The following NOS1 variants were observed in gnomAD, a reference collection of about 807,000 sequenced individuals.
NOS1 encodes the protein NOS type I.
NOS1 carries 51 observed loss-of-function variants against 164.5 expected under a neutral mutation model. The ratio of observed to expected loss-of-function variants is 0.31; its 90% CI spans 0.25 to 0.39. NOS1 has a LOEUF of 0.39. Among genes scored for constraint, NOS1 ranks in the 10% least tolerant of loss-of-function variants. NOS1 has a pLI of 1.00. For synonymous variants in NOS1, 719 were observed against 745.8 expected (o/e 0.96, Z 0.59); for missense variants, 1,362 against 1,885.6 (o/e 0.72, Z 5.14).
intron 2 of NOS1, among the ~76,000 whole-genome samples, chr12:117,326,152 G>A (rs749329269): frequency 1.3e-5 from 2 of 151,638 alleles, no homozygotes; most frequent in South Asian, 2.1e-4. Flanking sequence ...TTGGGAGGCC[G>A]AGACGGGCGG....
intron 3 of NOS1, among the ~76,000 whole-genome samples, chr12:117,293,514 C>T (rs1873199280): frequency 6.6e-6 from 1 of 152,124 alleles, no homozygotes; most frequent in African/African-American, 2.4e-5. Flanking sequence ...CTTGGATGAT[C>T]ATAGTCACCC....
chr12:117,236,457 A>G (rs190911644), intron 20 of NOS1, among the ~76,000 whole-genome samples: 1 of 152,324 alleles, frequency 6.6e-6, no homozygotes, highest in African/African-American at 2.4e-5. Context: ...CGCCCTTAGC[A>G]TAGTGGGGAA....
At chr12:117,219,488 G>C (rs1482640431) in intron 27 of NOS1, among the ~76,000 whole-genome samples, 2 of 151,036 alleles carry the variant, frequency 1.3e-5, no homozygotes, top group Non-Finnish European at 1.5e-5. Context: ...TGTATTTTTA[G>C]AAGAGACAGG....
intron 27 of NOS1, 53 bp downstream of exon 27, chr12:117,220,022 G>A (rs901139251): frequency 2.0e-6 from 3 of 1,523,344 alleles, no homozygotes; most frequent in African/African-American, 1.4e-5. Flanking sequence ...AAAAAGGGGG[G>A]ATAGGAGAGT....
Position 117,212,601 on chromosome 12 carries a change from A to G in NOS1, c.*2708T>C. 3 of 985,440 alleles carry G rather than the reference A, an allele frequency of 3.0e-6. No homozygotes were observed. Among genetic ancestry groups the G allele is most frequent in the Non-Finnish European group, 3.6e-6 (3 of 829,934 alleles). The allele number at this position is 985,440 out of a possible 1,614,324, so 61.0% of individuals were successfully genotyped here. On this transcript the variant is annotated 3_prime_UTR_variant, in exon 29 of 29. Transcript: ENST00000317775. ...TCCTGGCCAAACTCACTTTTGTGAA[A>G]TGGGGCTGGAGCTGCTACTGGTCAA...
At chr12:117,283,000 G>A (rs948189229) in intron 7 of NOS1, among the ~76,000 whole-genome samples, 1 of 149,336 alleles carries the variant, frequency 6.7e-6, no homozygotes, top group African/African-American at 2.5e-5. Flanking sequence ...TCTCTCTGCT[G>A]TCCTTCCCCT....
chr12:117,215,776 C>G (rs2135915810), intron 28 of NOS1, among the ~76,000 whole-genome samples: 1 of 151,936 alleles, frequency 6.6e-6, no homozygotes, highest in South Asian at 2.1e-4. Flanking sequence ...TTGGACAGGA[C>G]CTGGCACCTA....
chr12:117,289,516 C>T lies in NOS1; in HGVS notation c.981+782G>A, dbSNP rs148249446. On this transcript the variant is annotated intron_variant, in intron 4 of 28. Transcript: ENST00000317775. ...GCTTCTGGCCAAGTTAGGTTAGGAG[C>T]ACTCTTTATTGTTTTTCTTTAAGTT... 3.0e-3 allele frequency among the ~76,000 whole-genome samples: 450 copies of T among 152,284 alleles called. 1 individual carries two copies. The highest frequency in any genetic ancestry group is 0.01 in the African/African-American group (424 of 41,552).
At chr12:117,309,002 C>T (rs1325803490) in intron 3 of NOS1, among the ~76,000 whole-genome samples, 6 of 152,246 alleles carry the variant, frequency 3.9e-5, no homozygotes, top group African/African-American at 9.6e-5. Flanking sequence ...TAATACAATA[C>T]GGGGTAGACC....
intron 20 of NOS1, among the ~76,000 whole-genome samples, chr12:117,241,961 G>A (rs1025129871): frequency 1.3e-5 from 2 of 152,218 alleles, no homozygotes; most frequent in African/African-American, 4.8e-5. Flanking sequence ...TAGGAAGAAT[G>A]ACTTGAAGGA....
chr12:117,316,274 G>C (rs902141713), intron 2 of NOS1, among the ~76,000 whole-genome samples: 5 of 152,062 alleles, frequency 3.3e-5, no homozygotes, highest in Admixed American at 2.0e-4. Flanking sequence ...TCTACACTCA[G>C]ATACTTTCTG....
chr12:117,223,514 C>A (rs1467390115), intron 25 of NOS1, among the ~76,000 whole-genome samples: 1 of 151,790 alleles, frequency 6.6e-6, no homozygotes, highest in Non-Finnish European at 1.5e-5. Context: ...CCCGCCTTGG[C>A]CTCCCAAAGT....
intron 3 of NOS1, among the ~76,000 whole-genome samples, chr12:117,304,104 G>A (rs1200428834): frequency 6.6e-6 from 1 of 152,022 alleles, no homozygotes; most frequent in Non-Finnish European, 1.5e-5. Flanking sequence ...CCTGGGAGGT[G>A]GAGCTTGCAG....
intron 1 of NOS1, among the ~76,000 whole-genome samples, chr12:117,340,478 G>A (rs1876045635): frequency 6.6e-6 from 1 of 152,102 alleles, no homozygotes; most frequent in Non-Finnish European, 1.5e-5. Context: ...TGCCTACATA[G>A]ATAGGGTGTC....
intron 2 of NOS1, among the ~76,000 whole-genome samples, chr12:117,321,902 TTCCTTCCTTCCCTCCCTCCC>T (rs1243232367): frequency 9.3e-5 from 14 of 150,940 alleles, no homozygotes; most frequent in East Asian, 2.0e-4. Flanking sequence ...AACAGAATCC[TTCCTTCCTTCCCTCCCTCCC>T]TCCTTCCTTC....
chr12:117,324,707 C>T (rs1283246008), intron 2 of NOS1, among the ~76,000 whole-genome samples: 4 of 132,738 alleles, frequency 3.0e-5, no homozygotes, highest in Admixed American at 2.1e-4. Flanking sequence ...CAGAGCAAGA[C>T]TCTGTCTCTA....
At chr12:117,242,500 G>T in intron 20 of NOS1, 127 bp downstream of exon 20, 2 of 780,770 alleles carry the variant, frequency 2.6e-6, no homozygotes, top group South Asian at 3.0e-5. Context: ...AAGCAGCAAG[G>T]GGGTCTCTAT....
intron 2 of NOS1, among the ~76,000 whole-genome samples, chr12:117,329,199 GGCAGGGGATTT>G: frequency 6.6e-6 from 1 of 152,240 alleles, no homozygotes; most frequent in South Asian, 2.1e-4. Context: ...GCTCCCCAAT[GGCAGGGGATTT>G]GTTGATTTCA....
At chr12:117,291,168 T>C (rs1873029875) in intron 3 of NOS1, among the ~76,000 whole-genome samples, 1 of 152,068 alleles carries the variant, frequency 6.6e-6, no homozygotes, top group African/African-American at 2.4e-5. Flanking sequence ...GAGCCAAGAT[T>C]GCACCACTGC....
Sources: allele counts gnomAD v4.1 joint callset (sites outside exome capture counted in the v4.1 genomes callset), GRCh38; gene constraint gnomAD v4.1.1; transcripts MANE v1.5; gene names NCBI Gene and HGNC (gene_info 2026-07-23, HGNC 2026-07-21).